FOXJ3: variants seen among roughly 807,000 people sequenced by gnomAD.
The protein encoded by FOXJ3 is forkhead box J3, also known as forkhead box protein J3.
FOXJ3 carries 22 observed loss-of-function variants against 76.1 expected under a neutral mutation model. That is an observed-to-expected ratio of 0.29 (90% confidence interval 0.21 to 0.41). FOXJ3 has a LOEUF of 0.41. FOXJ3 is among the 10% of genes least tolerant of loss of function. The pLI is 1.00. For missense variants in FOXJ3, 613 were observed against 762.1 expected (o/e 0.80, Z 2.30); for synonymous variants, 269 against 261.2 (o/e 1.03, Z -0.29).
chr1:42,254,819 T>G (rs1442191130), intron 4 of FOXJ3, among the ~76,000 whole-genome samples: 50 of 97,938 alleles, frequency 5.1e-4, no homozygotes, highest in Admixed American at 1.5e-3. Flanking sequence ...TGTTGTGGGG[T>G]GGGGGGAGGG....
chr1:42,288,630 T>A (rs930753216), intron 2 of FOXJ3, among the ~76,000 whole-genome samples: 1 of 152,192 alleles, frequency 6.6e-6, no homozygotes, highest in African/African-American at 2.4e-5. Context: ...GTTCTCAAAG[T>A]GTGGTCCAGA....
At position 42,194,879 on chromosome 1, in the gene FOXJ3, A is replaced by T; in HGVS notation, c.934+11T>A. ...AAACTTTGTTATAAAAAAGATTTTA[A>T]GAAAACTCACCTTGTTGACTAAGTG... On this transcript the variant is annotated intron_variant, in intron 8 of 12. Transcript: ENST00000361346. 4 of 1,552,048 alleles carry T rather than the reference A, an allele frequency of 2.6e-6. No homozygotes were observed. Among genetic ancestry groups the T allele is most frequent in the Non-Finnish European group, 3.5e-6 (4 of 1,152,166 alleles).
intron 3 of FOXJ3, among the ~76,000 whole-genome samples, chr1:42,270,630 T>C (rs765631949): frequency 3.3e-5 from 5 of 152,134 alleles, no homozygotes; most frequent in Non-Finnish European, 7.4e-5. Flanking sequence ...CAGAAATAAT[T>C]AGGTGATTTT....
At chr1:42,183,318 G>A (rs1365160900) in intron 11 of FOXJ3, among the ~76,000 whole-genome samples, 1 of 7,956 alleles carries the variant, frequency 1.3e-4, no homozygotes, top group East Asian at 5.4e-3. Flanking sequence ...TGGGGGAGGG[G>A]AGGGGAGGGG....
At chr1:42,320,242 C>G (rs952417487) in intron 1 of FOXJ3, among the ~76,000 whole-genome samples, 6 of 151,980 alleles carry the variant, frequency 3.9e-5, no homozygotes, top group African/African-American at 1.4e-4. Context: ...GGCCAAACAT[C>G]ACAGAGCTAT....
chr1:42,194,332 G>C (rs1263006342), intron 8 of FOXJ3, among the ~76,000 whole-genome samples: 1 of 152,176 alleles, frequency 6.6e-6, no homozygotes, highest in African/African-American at 2.4e-5. Flanking sequence ...ATTTGGTCAA[G>C]ATGCAACAGT....
chr1:42,324,239 C>T (rs1570260717), intron 1 of FOXJ3, among the ~76,000 whole-genome samples: 1 of 16,256 alleles, frequency 6.2e-5, no homozygotes, highest in Non-Finnish European at 1.8e-4. Flanking sequence ...AATATATACA[C>T]ACTATATATA....
rs571443344 is a variant in FOXJ3 at position 42,186,045 on chromosome 1, G to T, written c.1645+2692C>A. 1.1e-4 allele frequency among the ~76,000 whole-genome samples: 17 copies of T among 152,154 alleles called. No individual in the cohort carries two copies. In the East Asian group the frequency reaches 2.5e-3, roughly 22 times the overall value. ...CAATGTCCTTATCTGTTAAATAAAG[G>T]GATAAAATTAACAGCTCTCTGAAAG... On this transcript the variant is annotated intron_variant, in intron 11 of 12. Transcript: ENST00000361346.
Position 42,205,844 on chromosome 1 carries a change from A to G in FOXJ3, c.548T>C (p.Ile183Thr). The change falls in exon 6 of 13, where the codon ATA becomes ACA. Residue 183 changes from isoleucine (I) to threonine (T), a missense_variant. Transcript: ENST00000361346. Reference protein sequence around the residue: ...SVERASTPYSIDSDSLGMECI... With the variant: ...SVERASTPYSTDSDSLGMECI... ...CTCCATTCCCAAAGAATCTGAATCTATGCTATATGGAGTTGAGGCCTAAAA... is the reference window on the plus strand; with the variant it reads ...CTCCATTCCCAAAGAATCTGAATCTGTGCTATATGGAGTTGAGGCCTAAAA... 6.2e-7 allele frequency: 1 copy of G among 1,609,250 alleles called. No individual in the cohort carries two copies. Among genetic ancestry groups the G allele is most frequent in the Non-Finnish European group, 8.5e-7 (1 of 1,175,852 alleles).
At chr1:42,277,102 C>T (rs1297658150) in intron 3 of FOXJ3, among the ~76,000 whole-genome samples, 1 of 152,066 alleles carries the variant, frequency 6.6e-6, no homozygotes, top group Non-Finnish European at 1.5e-5. Context: ...TTCTGTATTG[C>T]TTTTGCAACT....
intron 4 of FOXJ3, among the ~76,000 whole-genome samples, chr1:42,245,720 T>C (rs1649499228): frequency 8.8e-5 from 1 of 11,350 alleles, no homozygotes; most frequent in South Asian, 1.8e-3. Flanking sequence ...CATACCAAAC[T>C]GAAAAGCTGG....
chr1:42,181,297 C>T (rs1217404346), intron 12 of FOXJ3, among the ~76,000 whole-genome samples: 4 of 152,284 alleles, frequency 2.6e-5, no homozygotes, highest in East Asian at 1.9e-4. Context: ...AACAATGTGC[C>T]GTATTCCGCT....
At chr1:42,284,240 A>T (rs1652909915) in intron 2 of FOXJ3, among the ~76,000 whole-genome samples, 1 of 152,232 alleles carries the variant, frequency 6.6e-6, no homozygotes, top group South Asian at 2.1e-4. Flanking sequence ...AGATGAATTA[A>T]TGAGTTAATA....
chr1:42,281,588 G>A (rs962156289), intron 2 of FOXJ3, among the ~76,000 whole-genome samples: 1 of 152,160 alleles, frequency 6.6e-6, no homozygotes, highest in Non-Finnish European at 1.5e-5. Context: ...CTCTAAAAAA[G>A]TGGGGCTTCT....
chr1:42,306,694 C>T (rs1455186780), intron 2 of FOXJ3, among the ~76,000 whole-genome samples: 1 of 152,128 alleles, frequency 6.6e-6, no homozygotes, highest in Admixed American at 6.5e-5. Flanking sequence ...ACTCTTATCA[C>T]CCAAACTCAG....
rs72674512 is a variant in FOXJ3, at chr1:42,193,153, T to G, written c.935-1434A>C. ...ATAAAACTGATAAGTATAATATAGT[T>G]TTTTTTTTTGAAGCTGGGGAAGGAA... On this transcript the variant is annotated intron_variant, in intron 8 of 12. Transcript: ENST00000361346. Among the ~76,000 whole-genome samples the G allele has an allele frequency of 2.8e-4, 42 of 150,798 alleles. No homozygotes were observed. In the East Asian group the frequency reaches 3.9e-3, roughly 14 times the overall value.
chr1:42,200,315 C>T (rs1646738225), intron 6 of FOXJ3, among the ~76,000 whole-genome samples: 1 of 152,140 alleles, frequency 6.6e-6, no homozygotes, highest in Non-Finnish European at 1.5e-5. Context: ...TAGTGTATAT[C>T]CTTGTTACAA....
chr1:42,241,398 T>C (rs1649130996), intron 4 of FOXJ3, among the ~76,000 whole-genome samples: 1 of 152,160 alleles, frequency 6.6e-6, no homozygotes, highest in Non-Finnish European at 1.5e-5. Context: ...CCAAAGTGCC[T>C]GGGGATCACC....
At chr1:42,302,307 T>C (rs770975717) in intron 2 of FOXJ3, among the ~76,000 whole-genome samples, 10 of 152,318 alleles carry the variant, frequency 6.6e-5, no homozygotes, top group Middle Eastern at 3.4e-3. Flanking sequence ...GCTGAAGCCA[T>C]TGTAGATGGG....
Sources: gnomAD v4.1 joint callset for allele counts (sites outside exome capture counted in the v4.1 genomes callset) on GRCh38, gnomAD v4.1.1 for gene constraint, MANE v1.5 for transcripts, NCBI Gene and HGNC (gene_info 2026-07-23, HGNC 2026-07-21) for gene names.